The following GTF3C2 variants were observed in gnomAD, a reference collection of about 807,000 sequenced individuals.
GTF3C2 encodes general transcription factor IIIC subunit 2.
A neutral mutation model predicts 117.4 loss-of-function variants in GTF3C2; 17 were observed. The observed-to-expected ratio is 0.14, with a 90% confidence interval of 0.10 to 0.22. The LOEUF (loss-of-function observed/expected upper bound fraction) is 0.22, where lower values mean the gene tolerates loss of function less well. Among genes scored for constraint, GTF3C2 ranks in the 10% least tolerant of loss-of-function variants. The pLI is 1.00. For missense variants in GTF3C2, 888 were observed against 1,143.6 expected, an observed-to-expected ratio of 0.78 and a Z score of 3.22; for synonymous variants, 437 against 427.0, an observed-to-expected ratio of 1.02 and a Z score of -0.29.
At chr2:27,337,815 A>G in intron 5 of GTF3C2, 111 bp downstream of exon 5, 1 of 752,244 alleles carries the variant, frequency 1.3e-6, no homozygotes, top group South Asian at 1.5e-5. Flanking sequence ...GAATGTCATC[A>G]CGGTATTCCA....
intron 17 of GTF3C2, 87 bp downstream of exon 17, chr2:27,327,950 G>C (rs1265123700): frequency 8.9e-7 from 1 of 1,117,434 alleles, no homozygotes. Context: ...TTACATCTTT[G>C]TGCTGAACTC....
chr2:27,334,055 T>G, intron 10 of GTF3C2, 56 bp from the exon 11 acceptor site: 8 of 1,364,448 alleles, frequency 5.9e-6, no homozygotes, highest in Non-Finnish European at 8.4e-6. Context: ...TCAGCAGGTC[T>G]TACTCTGTCA....
At chr2:27,339,039 T>G (rs1395540577) in intron 4 of GTF3C2, among the ~76,000 whole-genome samples, 2 of 152,128 alleles carry the variant, frequency 1.3e-5, no homozygotes, top group East Asian at 3.9e-4. Flanking sequence ...TCTCAACTTC[T>G]CTACAAGTTC....
Position 27,326,695 on chromosome 2 carries a change from G to A in GTF3C2, c.2716C>T (p.Arg906Cys), listed in dbSNP as rs187695337. 4.5e-4 allele frequency: 724 copies of A among 1,613,722 alleles called. 1 individual carries two copies. The highest frequency in any genetic ancestry group is 8.9e-5 in the East Asian group (4 of 44,872). ...CAAGGCTAGGGAGTGGGCAGAAGGC[G>A]ATGGCTGGTTGGAGAGAAGCCAGGC... Residue 906 changes from arginine to cysteine, a missense_variant, in exon 19 of 19, where the codon CGC (arginine) becomes TGC (cysteine). By Grantham distance (180) the Arg-to-Cys change is radical (BLOSUM62 -3). Around this residue, in one of 7 missense-constraint regions of GTF3C2, gnomAD observed 53 missense variants for 43.6 expected, o/e 1.22. Transcript: ENST00000264720.
exon 4 of GTF3C2, chr2:27,342,142 G>A: frequency 1.9e-6 from 3 of 1,614,126 alleles, no homozygotes; most frequent in South Asian, 1.1e-5. Flanking sequence ...GGTTTGGTGG[G>A]GCTGCTCACC....
chr2:27,350,849 T>A (rs1439043415), intron 1 of GTF3C2, among the ~76,000 whole-genome samples: 1 of 150,686 alleles, frequency 6.6e-6, no homozygotes, highest in African/African-American at 2.5e-5. Flanking sequence ...CTCGGGAGGC[T>A]GAGGCAGGAG....
intron 1 of GTF3C2, among the ~76,000 whole-genome samples, chr2:27,355,297 C>T (rs775440791): frequency 2.0e-5 from 3 of 151,996 alleles, no homozygotes; most frequent in Admixed American, 6.6e-5. Context: ...CCGAGGTGGG[C>T]GGATAACGAG....
intron 1 of GTF3C2, chr2:27,356,211 C>T: frequency 1.4e-6 from 1 of 689,888 alleles, no homozygotes; most frequent in East Asian, 6.5e-5. Flanking sequence ...ACAACTGGCC[C>T]TTGGTTACGC....
intron 3 of GTF3C2, 175 bp from the exon 4 acceptor site, chr2:27,342,408 T>A: frequency 1.7e-6 from 1 of 605,872 alleles, no homozygotes; most frequent in Non-Finnish European, 2.8e-6. Context: ...CTAAGTTATG[T>A]GACTTGGCCG....
chr2:27,339,320 T>C (rs775385838), intron 4 of GTF3C2, among the ~76,000 whole-genome samples: 7 of 151,146 alleles, frequency 4.6e-5, no homozygotes, highest in East Asian at 2.0e-4. Context: ...GGCGGGAGCA[T>C]TGCTTGAACC....
At chr2:27,346,716 T>A (rs1680929412) in intron 1 of GTF3C2, among the ~76,000 whole-genome samples, 1 of 150,770 alleles carries the variant, frequency 6.6e-6, no homozygotes, top group African/African-American at 2.4e-5. Flanking sequence ...TTTTTCTGAG[T>A]CAGGATCTCG....
intron 1 of GTF3C2, chr2:27,356,412 C>T: frequency 3.7e-6 from 1 of 271,224 alleles, no homozygotes; most frequent in South Asian, 3.6e-5. Context: ...GTTTTTCTAA[C>T]AAGGACTACT....
intron 1 of GTF3C2, among the ~76,000 whole-genome samples, chr2:27,344,503 C>T (rs1159914404): frequency 6.6e-6 from 1 of 152,094 alleles, no homozygotes; most frequent in Non-Finnish European, 1.5e-5. Context: ...CAGACATACA[C>T]ACACTCCAAA....
At chr2:27,326,966 CAA>C (rs35568684) in intron 18 of GTF3C2, 73 bp from the exon 19 acceptor site, 6,405 of 693,968 alleles carry the variant, frequency 9.2e-3, no homozygotes, top group Admixed American at 0.014. Flanking sequence ...GCTGTATGAA[CAA>C]AAAAAAAAAA....
At chr2:27,342,467 C>A in intron 3 of GTF3C2, 1 of 557,068 alleles carries the variant, frequency 1.8e-6, no homozygotes, top group Non-Finnish European at 3.2e-6. Context: ...TCTTCTCACT[C>A]CAAGTTCAAT....
At chr2:27,325,922 T>G (rs1290861019) in exon 19 of GTF3C2, 1 of 193,972 alleles carries the variant, frequency 5.2e-6, no homozygotes, top group African/African-American at 2.3e-5. Context: ...GTTAAATACT[T>G]AACAGGGCAA....
rs144408174 is a variant in GTF3C2, at chr2:27,343,450, A to G, written c.105T>C (p.Asp35=). ...TGGTCATTTCTGAAGAGGTCTTGAC[A>G]TCAAGCTGATTTAGCACCTCTTGTC... Residue 35 remains aspartate, a synonymous_variant, in exon 2 of 19, where the codon GAT becomes GAC. Transcript: ENST00000264720. 205 of 1,614,028 alleles carry G rather than the reference A, an allele frequency of 1.3e-4. 1 individual carries two copies. The highest frequency in any genetic ancestry group is 1.7e-4 in the Non-Finnish European group (197 of 1,180,020).
chr2:27,329,079 T>C lies in GTF3C2; in HGVS notation c.2039+42A>G, dbSNP rs1431753066. On this transcript the variant is annotated intron_variant, in intron 14 of 18. Transcript: ENST00000264720. The surrounding 1 kb of genome is among the most constrained non-coding windows in gnomAD (Gnocchi z 4.5). Reference sequence around the variant, plus strand: ...TCTGGCATGCTTTGCATTCCAACCCTTAGGGCCTGTCCCTAGAGGTCCTAT... The same window carrying C: ...TCTGGCATGCTTTGCATTCCAACCCCTAGGGCCTGTCCCTAGAGGTCCTAT... 1 of 1,605,910 alleles carries C rather than the reference T, an allele frequency of 6.2e-7. No homozygotes were observed. Among genetic ancestry groups the C allele is most frequent in the Non-Finnish European group, 8.5e-7 (1 of 1,172,970 alleles).
exon 2 of GTF3C2, chr2:27,343,426 G>A: frequency 6.2e-7 from 1 of 1,613,964 alleles, no homozygotes; most frequent in Non-Finnish European, 8.5e-7. Context: ...CCTCTGCACT[G>A]GTCATTTCTG....
Sources: gnomAD v4.1 joint callset for allele counts (sites outside exome capture counted in the v4.1 genomes callset) on GRCh38, gnomAD v4.1.1 for gene constraint, gnomAD v4.1.1 regional missense constraint, Gnocchi (gnomAD v3.1) non-coding constraint, MANE v1.5 for transcripts, NCBI Gene and HGNC (gene_info 2026-07-23, HGNC 2026-07-21) for gene names.